The following FRAS1 variants were observed in gnomAD, a reference collection of about 807,000 sequenced individuals.
The protein encoded by FRAS1 is extracellular matrix organizing protein FRAS1.
Under a neutral mutation model 435.2 loss-of-function variants are expected in FRAS1, and 290 were observed. That is an observed-to-expected ratio of 0.67 (90% confidence interval 0.61 to 0.73). The LOEUF (loss-of-function observed/expected upper bound fraction) is 0.73. Ranked by LOEUF, FRAS1 falls within the 30% of genes least tolerant of loss-of-function variation. FRAS1 has a pLI of 0.00. For missense variants in FRAS1, 4,860 were observed against 5,001.5 expected (o/e 0.97, Z 0.85); for synonymous variants, 1,800 against 1,851.0 (o/e 0.97, Z 0.71).
chr4:78,112,381 A>T (rs910342620), intron 2 of FRAS1, among the ~76,000 whole-genome samples: 7 of 152,086 alleles, frequency 4.6e-5, no homozygotes, highest in Admixed American at 6.6e-5. Context: ...AGATCTGGAG[A>T]TTCATGAGTC....
At chr4:78,269,916 T>A (rs1578217767) in intron 9 of FRAS1, among the ~76,000 whole-genome samples, 1 of 152,140 alleles carries the variant, frequency 6.6e-6, no homozygotes, top group East Asian at 1.9e-4. Context: ...CATTCCCTGC[T>A]CCAGTGGAGG....
At chr4:78,168,928 T>C (rs910022530) in intron 2 of FRAS1, among the ~76,000 whole-genome samples, 1 of 152,148 alleles carries the variant, frequency 6.6e-6, no homozygotes, top group Admixed American at 6.5e-5. Flanking sequence ...GTGTGCAAGA[T>C]GTCTGACAAG....
At chr4:78,467,729 G>A (rs935356996) in intron 50 of FRAS1, among the ~76,000 whole-genome samples, 1 of 152,076 alleles carries the variant, frequency 6.6e-6, no homozygotes, top group Non-Finnish European at 1.5e-5. Flanking sequence ...ATTCTCATTA[G>A]CATTTTTTAT....
intron 2 of FRAS1, among the ~76,000 whole-genome samples, chr4:78,219,416 C>G (rs1013283159): frequency 6.6e-5 from 10 of 151,908 alleles, no homozygotes; most frequent in African/African-American, 2.4e-4. Flanking sequence ...GAAGTAGAAC[C>G]ACAAATAATA....
At chr4:78,366,049 G>T (rs765933870) in intron 22 of FRAS1, among the ~76,000 whole-genome samples, 2 of 152,012 alleles carry the variant, frequency 1.3e-5, no homozygotes, top group Non-Finnish European at 2.9e-5. Context: ...TAGAAATTCT[G>T]CAATAAGGGC....
intron 58 of FRAS1, among the ~76,000 whole-genome samples, chr4:78,486,539 C>T (rs186029244): frequency 6.6e-6 from 1 of 152,144 alleles, no homozygotes; most frequent in African/African-American, 2.4e-5. Context: ...AAGAGGAGCC[C>T]TGCAGTCAGG....
chr4:78,157,660 G>C (rs943270547), intron 2 of FRAS1, among the ~76,000 whole-genome samples: 1 of 151,954 alleles, frequency 6.6e-6, no homozygotes, highest in Non-Finnish European at 1.5e-5. Context: ...TTTTTAATTT[G>C]GTTGTTTTTT....
At chr4:78,396,139 C>T (rs1422271446) in intron 29 of FRAS1, among the ~76,000 whole-genome samples, 1 of 152,028 alleles carries the variant, frequency 6.6e-6, no homozygotes, top group Non-Finnish European at 1.5e-5. Context: ...CTCCCTGACC[C>T]TCATCATTTT....
rs369038039 is a variant in FRAS1 at position 78,301,993 on chromosome 4, A to G, written c.1535-6073A>G. Among the ~76,000 whole-genome samples the G allele has an allele frequency of 8.6e-5, 13 of 151,310 alleles. 1 individual carries two copies. In the South Asian group the frequency reaches 2.7e-3, roughly 32 times the overall value. The stretch of plus-strand genomic sequence containing the variant: ...AGCATTAGGTATATCTCCCAATGCT[A>G]TCCCTCCCCACTCCCCCCACCCCAC... On this transcript the variant is annotated intron_variant, in intron 14 of 73. Coordinates refer to ENST00000512123, the MANE Select transcript of FRAS1 (RefSeq NM_025074.7).
At chr4:78,112,993 A>G (rs1342480341) in intron 2 of FRAS1, among the ~76,000 whole-genome samples, 1 of 152,106 alleles carries the variant, frequency 6.6e-6, no homozygotes, top group Middle Eastern at 3.4e-3. Context: ...CCACCCCACA[A>G]CAGGCCCCAG....
In FRAS1 at chr4:78,541,707, G is replaced by A. The variant is rs1722059584; in HGVS notation, c.*583G>A. 1 of 152,132 alleles carries A rather than the reference G, an allele frequency of 6.6e-6. No homozygotes were observed. The highest frequency in any genetic ancestry group is 2.1e-4 in the South Asian group (1 of 4,828). 9.4% of individuals were successfully genotyped at this position (152,132 alleles called of 1,614,324 possible). A position where few individuals can be genotyped will look rare whatever the true frequency, so the allele number is the denominator to read the frequency against. Reference sequence around the variant, plus strand: ...TGCTTTTCCAGAGCCCTTTTTACCTGGGGATTTCAGTGTGCTTAAGTAAAA... The same window carrying A: ...TGCTTTTCCAGAGCCCTTTTTACCTAGGGATTTCAGTGTGCTTAAGTAAAA... On this transcript the variant is annotated 3_prime_UTR_variant, in exon 74 of 74. Coordinates refer to ENST00000512123, the MANE Select transcript of FRAS1 (RefSeq NM_025074.7).
rs376389651 is a variant in FRAS1 at position 78,515,981 on chromosome 4, G to A, written c.10357G>A (p.Val3453Ile). 118 of 1,613,574 alleles carry A rather than the reference G, an allele frequency of 7.3e-5. No individual in the cohort carries two copies. Among genetic ancestry groups the A allele is most frequent in the East Asian group, 6.9e-4 (31 of 44,856 alleles). Residue 3453 changes from valine (V) to isoleucine (I), a missense_variant, in exon 66 of 74, where the codon GTC becomes ATC. Transcript: ENST00000512123. ...AYYDMTELID[V>I]CGGSVTADFQ... ...TTATGACATGACTGAGCTGATTGAC[G>A]TCTGTGGGGGCTCTGTAACCGCTGA... is the stretch of plus-strand genomic sequence containing the variant.
rs554155922 is a variant in FRAS1, at chr4:78,151,749, G to A, written c.108+85733G>A. Among the ~76,000 whole-genome samples the A allele has an allele frequency of 1.3e-3, 203 of 152,266 alleles. 1 individual carries two copies. Among genetic ancestry groups the A allele is most frequent in the Middle Eastern group, 3.4e-3 (1 of 294 alleles). On this transcript the variant is annotated intron_variant, in intron 2 of 73. Coordinates refer to ENST00000512123, the MANE Select transcript of FRAS1 (RefSeq NM_025074.7). ...CAGACTTACAAAAGAAAAAGCATTC[G>A]GTTGCAATTCTCTCATAATAGAGAA... is the stretch of plus-strand genomic sequence containing the variant.
rs2867014 is a variant in FRAS1 at position 78,265,017 on chromosome 4, G to A, written c.604-8G>A. On this transcript the variant is annotated splice_region_variant and splice_polypyrimidine_tract_variant and intron_variant, in intron 6 of 73. Transcript: ENST00000512123. ...TTGTGATGGATTGTTCCTGTTCTGC[G>A]TGTTAAGGATGAGACTGTAGTCCGA... The A allele has an allele frequency of 0.98, 1,539,015 of 1,562,592 alleles. 759,364 individuals carry two copies. Among genetic ancestry groups the A allele is most frequent in the Non-Finnish European group, 1 (1,131,732 of 1,133,938 alleles).
At chr4:78,401,027 A>T in intron 30 of FRAS1, 140 bp downstream of exon 30, 1 of 727,604 alleles carries the variant, frequency 1.4e-6, no homozygotes, top group Non-Finnish European at 2.2e-6. Context: ...TTAAAAACAG[A>T]ATAATCATGA....
intron 2 of FRAS1, among the ~76,000 whole-genome samples, chr4:78,102,734 T>C (rs1277842759): frequency 6.6e-6 from 1 of 152,182 alleles, no homozygotes; most frequent in African/African-American, 2.4e-5. Context: ...TTTCTCTCTG[T>C]CAGATATACC....
chr4:78,195,793 T>G (rs904936666), intron 2 of FRAS1, among the ~76,000 whole-genome samples: 4 of 152,102 alleles, frequency 2.6e-5, no homozygotes, highest in African/African-American at 7.2e-5. Context: ...GCACCCACTT[T>G]CTGACACTCC....
At chr4:78,272,137 C>A (rs144269302) in intron 9 of FRAS1, among the ~76,000 whole-genome samples, 44,125 of 151,848 alleles carry the variant, frequency 0.29, 7,022 homozygotes, top group East Asian at 0.38. Context: ...CTGTTCATAT[C>A]CTTCACCCAC....
At chr4:78,440,193 G>T (rs1734603022) in intron 40 of FRAS1, among the ~76,000 whole-genome samples, 1 of 151,296 alleles carries the variant, frequency 6.6e-6, no homozygotes, top group Admixed American at 6.6e-5. Flanking sequence ...ACCGCGCCCG[G>T]CTAATTTTTT....
Sources: gnomAD v4.1 joint callset for allele counts (sites outside exome capture counted in the v4.1 genomes callset) on GRCh38, gnomAD v4.1.1 for gene constraint, MANE v1.5 for transcripts, NCBI Gene and HGNC (gene_info 2026-07-23, HGNC 2026-07-21) for gene names.